COL4A6: variants seen among roughly 807,000 people sequenced by gnomAD.
COL4A6 encodes collagen alpha-6(IV) chain.
A neutral mutation model predicts 126.7 loss-of-function variants in COL4A6; 59 were observed. The ratio of observed to expected loss-of-function variants is 0.47; its 90% confidence interval spans 0.38 to 0.58. The LOEUF is 0.58. Among genes scored for constraint, COL4A6 ranks in the 20% least tolerant of loss-of-function variants. The probability of loss-of-function intolerance (pLI) is 0.00; values close to 1 mark genes in which losing one functional copy is unlikely to be tolerated. For synonymous variants in COL4A6, 547 were observed against 496.6 expected, an observed-to-expected ratio of 1.10 and a Z score of -1.35; for missense variants, 1,285 against 1,337.3, an observed-to-expected ratio of 0.96 and a Z score of 0.61.
chrX:108,306,581 G>C (rs998101769), intron 3 of COL4A6, among the ~76,000 whole-genome samples: 1 of 111,977 alleles, frequency 8.9e-6, no homozygotes, highest in Non-Finnish European at 1.9e-5. Context: ...ATGTTTGCAG[G>C]AGGAGAATAA....
intron 2 of COL4A6, among the ~76,000 whole-genome samples, chrX:108,353,668 A>C (rs2039891520): frequency 8.9e-6 from 1 of 111,959 alleles, no homozygotes; most frequent in Non-Finnish European, 1.9e-5. Flanking sequence ...GGTGGGAAAG[A>C]TCAAACCAAA....
chrX:108,169,745 A>G, intron 36 of COL4A6, 125 bp from the exon 37 acceptor site: 1 of 979,186 alleles, frequency 1.0e-6, no homozygotes. Context: ...TGAAGTAACA[A>G]GAAAGAAAGT....
intron 2 of COL4A6, among the ~76,000 whole-genome samples, chrX:108,315,326 C>T (rs1016658760): frequency 8.1e-5 from 9 of 110,809 alleles, no homozygotes; most frequent in South Asian, 3.9e-4. Flanking sequence ...CTGCAGCCTC[C>T]GCCTCCCAGG....
In COL4A6 at chrX:108,207,477, C is replaced by A. The variant is rs757029159; in HGVS notation, c.547-897G>T. Among the ~76,000 whole-genome samples the A allele has an allele frequency of 3.6e-5, 4 of 111,040 alleles. No individual in the cohort carries two copies. The South Asian group carries it at 1.5e-3, about 43-fold the overall frequency. ...AACCTACACGTCCTGTGCATGTACC[C>A]CAGAACTTAAAATAAAAATTTAAAA... On this transcript the variant is annotated intron_variant, in intron 8 of 44. Transcript: ENST00000334504.
intron 12 of COL4A6, among the ~76,000 whole-genome samples, chrX:108,203,678 A>G (rs773628259): frequency 3.8e-4 from 43 of 112,848 alleles, no homozygotes; most frequent in African/African-American, 1.3e-3. Context: ...TTACTGAAAG[A>G]TATCTGCACA....
At chrX:108,281,647 T>G (rs1414255511) in intron 3 of COL4A6, among the ~76,000 whole-genome samples, 19 of 110,965 alleles carry the variant, frequency 1.7e-4, no homozygotes, top group African/African-American at 6.2e-4. Flanking sequence ...AAAAACTACT[T>G]TAAAGTTCAT....
intron 2 of COL4A6, among the ~76,000 whole-genome samples, chrX:108,399,423 G>C (rs2041038893): frequency 9.0e-6 from 1 of 110,732 alleles, no homozygotes; most frequent in Non-Finnish European, 1.9e-5. Context: ...ATTCTAGATT[G>C]GTATAAATTA....
In COL4A6 at chrX:108,190,408, G is replaced by A; in HGVS notation, c.1410C>T (p.Gly470=). The change falls in exon 20 of 45, where the codon GGC becomes GGT. Residue 470 remains glycine, a synonymous_variant. Coordinates refer to ENST00000334504, the MANE Select transcript of COL4A6 (RefSeq NM_033641.4). Reference sequence around the variant, plus strand: ...CAAAATCACCTTTTATTCCTTTGAGGCCTAGGTTTCCTTTTGGACCTTGTT... The same window carrying A: ...CAAAATCACCTTTTATTCCTTTGAGACCTAGGTTTCCTTTTGGACCTTGTT... ...RGEQGPKGNL[G]LKGIKGDSGF... is the part of the protein sequence containing the mutation. 1.7e-6 allele frequency: 2 copies of A among 1,201,930 alleles called. No individual in the cohort carries two copies. The highest frequency in any genetic ancestry group is 1.7e-5 in the African/African-American group (1 of 57,555).
chrX:108,429,949 C>T (rs757150297), intron 2 of COL4A6, among the ~76,000 whole-genome samples: 1 of 111,655 alleles, frequency 9.0e-6, no homozygotes, highest in Admixed American at 9.5e-5. Flanking sequence ...ATTTGAAAGT[C>T]ATCTCTTGAT....
At chrX:108,190,537 A>C in intron 19 of COL4A6, 41 bp from the exon 20 acceptor site, 1 of 909,362 alleles carries the variant, frequency 1.1e-6, no homozygotes, top group Admixed American at 2.3e-5. Context: ...AACTTGTATA[A>C]GCCTGATGAC....
chrX:108,211,701 G>T lies in COL4A6; in HGVS notation c.481C>A (p.Leu161Ile). ...GQKGSKGDPV[L>I]APGSFKGMKG... ...ATTCCTTTGAAACTACCTGGAGCAA[G>T]GACAGGGTCACCTTTTGATCCTTTC... Residue 161 changes from leucine (L) to isoleucine (I), a missense_variant, in exon 7 of 45, where the codon CTT becomes ATT. Leu to Ile is a conservative substitution (Grantham distance 5, BLOSUM62 2). Transcript: ENST00000334504. 2.5e-6 allele frequency: 3 copies of T among 1,211,449 alleles called. No individual in the cohort carries two copies. The highest frequency in any genetic ancestry group is 3.4e-6 in the Non-Finnish European group (3 of 895,021).
intron 7 of COL4A6, 141 bp from the exon 8 acceptor site, chrX:108,210,145 T>C (rs2035660867): frequency 5.5e-6 from 3 of 547,963 alleles, no homozygotes; most frequent in Non-Finnish European, 5.8e-6. Flanking sequence ...TTTTAAATAA[T>C]GTATGAATTG....
chrX:108,358,785 A>G (rs1483062431), intron 2 of COL4A6, among the ~76,000 whole-genome samples: 1 of 112,304 alleles, frequency 8.9e-6, no homozygotes, highest in African/African-American at 3.2e-5. Flanking sequence ...CAGACATAAT[A>G]AAGCAAAGGC....
chrX:108,413,559 C>T (rs757533299), intron 2 of COL4A6, among the ~76,000 whole-genome samples: 89 of 111,505 alleles, frequency 8.0e-4, no homozygotes, highest in Non-Finnish European at 1.3e-3. Context: ...CCCAGGTTCA[C>T]GCCATTCTCC....
At chrX:108,278,501 C>A (rs1049086172) in intron 3 of COL4A6, among the ~76,000 whole-genome samples, 1 of 110,565 alleles carries the variant, frequency 9.0e-6, no homozygotes, top group African/African-American at 3.3e-5. Flanking sequence ...GTGAAAAGAC[C>A]AAATCTATGT....
At chrX:108,408,393 A>G (rs2041254178) in intron 2 of COL4A6, among the ~76,000 whole-genome samples, 1 of 111,588 alleles carries the variant, frequency 9.0e-6, no homozygotes, top group South Asian at 3.8e-4. Context: ...AAGCAAGCTA[A>G]GTAGCTTTTA....
chrX:108,422,869 C>G (rs2064005950), intron 2 of COL4A6, among the ~76,000 whole-genome samples: 1 of 111,405 alleles, frequency 9.0e-6, no homozygotes, highest in Non-Finnish European at 1.9e-5. Flanking sequence ...ATTGTGCCTT[C>G]CATTCTTCCA....
At chrX:108,292,985 GAAAAAAGCAAAAAAAAAAAAAAAAAAA>G (rs1412581352) in intron 3 of COL4A6, among the ~76,000 whole-genome samples, 25 of 16,629 alleles carry the variant, frequency 1.5e-3, no homozygotes, top group Admixed American at 5.0e-3. Context: ...GAAAGAGAAG[GAAAAAAGCAAAAAAAAAAAAAAAAAAA>G]AAAAAAGCCA....
At chrX:108,389,772 T>C (rs1338728333) in intron 2 of COL4A6, among the ~76,000 whole-genome samples, 1 of 111,574 alleles carries the variant, frequency 9.0e-6, no homozygotes, top group Non-Finnish European at 1.9e-5. Flanking sequence ...CCTGTCGTTA[T>C]GATGCTAGCT....
Sources: gnomAD v4.1 joint callset for allele counts (sites outside exome capture counted in the v4.1 genomes callset) on GRCh38, gnomAD v4.1.1 for gene constraint, MANE v1.5 for transcripts, NCBI Gene and HGNC (gene_info 2026-07-23, HGNC 2026-07-21) for gene names.